GABRP: variants seen among roughly 807,000 people sequenced by gnomAD.
GABRP encodes the protein gamma-aminobutyric acid type A receptor subunit pi.
Under a neutral mutation model 47.8 loss-of-function variants are expected in GABRP, and 52 were observed. That is an observed-to-expected ratio of 1.09 (90% CI 0.87 to 1.37). The LOEUF is 1.37. Ranked by LOEUF, GABRP falls within the 40% of genes most tolerant of loss-of-function variation. The probability of loss-of-function intolerance (pLI) is 0.00; values close to 1 mark genes in which losing one functional copy is unlikely to be tolerated. For synonymous variants in GABRP, 221 were observed against 205.8 expected (o/e 1.07, Z -0.63); for missense variants, 525 against 542.8 (o/e 0.97, Z 0.33).
rs1024636961 is a variant in GABRP at position 170,813,070 on chromosome 5, GA to G, written c.*813del. The G allele has an allele frequency of 3.9e-5, 6 of 152,282 alleles. No individual in the cohort carries two copies. The highest frequency in any genetic ancestry group is 1.4e-4 in the African/African-American group (6 of 41,564). 9.4% of individuals were successfully genotyped at this position (152,282 alleles called of 1,614,324 possible). ...TTCCCATGCATGGATGGAAATGGAA[GA>G]TTTTTTTTTAACTTGTTCTAGAAGT... On this transcript the variant is annotated 3_prime_UTR_variant, in exon 10 of 10. Transcript: ENST00000265294.
At position 170,802,377 on chromosome 5, in the gene GABRP, C is replaced by T. The variant is rs1765619249; in HGVS notation, c.542-3339C>T. 2.0e-5 allele frequency among the ~76,000 whole-genome samples: 3 copies of T among 152,150 alleles called. No individual in the cohort carries two copies. In the South Asian group the frequency reaches 6.2e-4, roughly 32 times the overall value. Reference sequence around the variant, plus strand: ...AGTGGGCACTCCTTACGTAAGGTCACAAGTGGGCAACATCTGAGAAGCACA... The same window carrying T: ...AGTGGGCACTCCTTACGTAAGGTCATAAGTGGGCAACATCTGAGAAGCACA... On this transcript the variant is annotated intron_variant, in intron 6 of 9. Transcript: ENST00000265294.
At chr5:170,783,248 C>CT (rs1765050999), upstream of GABRP, among the ~76,000 whole-genome samples, 1 of 152,154 alleles carries the variant, frequency 6.6e-6, no homozygotes, top group South Asian at 2.1e-4. Context: ...ATGAAAGTCT[C>CT]TTTTAACATA....
intron 1 of GABRP, among the ~76,000 whole-genome samples, chr5:170,787,945 G>T (rs1765168915): frequency 6.6e-6 from 1 of 152,204 alleles, no homozygotes; most frequent in East Asian, 1.9e-4. Context: ...GACAGGGCAA[G>T]GATAGCCTTG....
chr5:170,801,871 G>C (rs1765604683), intron 6 of GABRP, among the ~76,000 whole-genome samples: 1 of 151,760 alleles, frequency 6.6e-6, no homozygotes, highest in Non-Finnish European at 1.5e-5. Flanking sequence ...GGGGGTCAGA[G>C]TTTTCCTAGG....
chr5:170,799,087 A>G (rs1765518328), intron 6 of GABRP, among the ~76,000 whole-genome samples: 1 of 152,132 alleles, frequency 6.6e-6, no homozygotes, highest in Non-Finnish European at 1.5e-5. Context: ...AGCTTCATCC[A>G]TGTCTCTACA....
chr5:170,789,911 T>C (rs904879801), intron 3 of GABRP, among the ~76,000 whole-genome samples: 3 of 152,184 alleles, frequency 2.0e-5, no homozygotes, highest in East Asian at 1.9e-4. Flanking sequence ...TTTTCCATCA[T>C]GTCTCAGAGC....
intron 2 of GABRP, 83 bp from the exon 3 acceptor site, chr5:170,789,046 G>A: frequency 9.6e-7 from 1 of 1,045,090 alleles, no homozygotes. Context: ...ACACACACGT[G>A]GGCAAACACA....
At chr5:170,800,151 C>T (rs1000383511) in intron 6 of GABRP, among the ~76,000 whole-genome samples, 1 of 152,144 alleles carries the variant, frequency 6.6e-6, no homozygotes, top group Non-Finnish European at 1.5e-5. Context: ...GAAATATAGA[C>T]CAATGGAACC....
rs553193983 is a variant in GABRP at position 170,812,375 on chromosome 5, A to T, written c.*117A>T. The T allele has an allele frequency of 3.9e-6, 3 of 772,696 alleles. No homozygotes were observed. Among genetic ancestry groups the T allele is most frequent in the African/African-American group, 1.7e-5 (1 of 57,676 alleles). 47.9% of individuals were successfully genotyped at this position (772,696 alleles called of 1,614,324 possible). ...AATGGTGCTACAAGTGACTGAAATA[A>T]TATTTGAGTCTTTCTGCTCAAAGAA... On this transcript the variant is annotated 3_prime_UTR_variant, in exon 10 of 10. Transcript: ENST00000265294.
intron 3 of GABRP, among the ~76,000 whole-genome samples, chr5:170,790,759 C>A (rs144532075): frequency 6.6e-6 from 1 of 152,220 alleles, no homozygotes; most frequent in Non-Finnish European, 1.5e-5. Context: ...TCTGTGCCTC[C>A]CAGGAACAGG....
At chr5:170,809,846 C>A (rs981395843) in intron 9 of GABRP, 91 bp downstream of exon 9, 10 of 1,211,426 alleles carry the variant, frequency 8.3e-6, no homozygotes, top group Admixed American at 2.0e-5. Context: ...TATCCCCACC[C>A]CACCCGCAGT....
intron 1 of GABRP, 37 bp from the exon 2 acceptor site, chr5:170,788,537 G>A: frequency 7.0e-7 from 1 of 1,431,650 alleles, no homozygotes; most frequent in Non-Finnish European, 9.8e-7. Flanking sequence ...TGAGCCTGTT[G>A]CACGGCCTTC....
At chr5:170,793,502 T>G (rs1198539816) in intron 3 of GABRP, among the ~76,000 whole-genome samples, 1 of 152,158 alleles carries the variant, frequency 6.6e-6, no homozygotes, top group Non-Finnish European at 1.5e-5. Context: ...CTAAATTGTT[T>G]AGGGTTCCAG....
At chr5:170,787,684 G>A (rs1323463047) in intron 1 of GABRP, among the ~76,000 whole-genome samples, 2 of 152,168 alleles carry the variant, frequency 1.3e-5, no homozygotes, top group Admixed American at 1.3e-4. Flanking sequence ...TCCTTCCCAT[G>A]CACCTGTTTC....
chr5:170,809,892 A>G, intron 9 of GABRP, 137 bp downstream of exon 9: 1 of 817,912 alleles, frequency 1.2e-6, no homozygotes, highest in South Asian at 1.5e-5. Flanking sequence ...ATCCTTGTTC[A>G]GGTGGGAGCA....
At chr5:170,809,049 G>A (rs998615597) in intron 8 of GABRP, among the ~76,000 whole-genome samples, 1 of 152,054 alleles carries the variant, frequency 6.6e-6, no homozygotes, top group Non-Finnish European at 1.5e-5. Context: ...TGACTCTCCT[G>A]CCTTATCATC....
intron 3 of GABRP, among the ~76,000 whole-genome samples, chr5:170,793,664 C>T (rs1403310965): frequency 6.6e-6 from 1 of 152,214 alleles, no homozygotes; most frequent in African/African-American, 2.4e-5. Context: ...CCTTTCTAAA[C>T]AATTAGTTCC....
intron 3 of GABRP, among the ~76,000 whole-genome samples, chr5:170,793,559 C>CA (rs752209568): frequency 7.4e-4 from 112 of 152,298 alleles, no homozygotes; most frequent in Non-Finnish European, 1.2e-4. Context: ...AGCAAAAGCT[C>CA]AGCCATGAGT....
intron 9 of GABRP, chr5:170,810,024 C>T: frequency 1.4e-6 from 1 of 698,842 alleles, no homozygotes; most frequent in Non-Finnish European, 2.6e-6. Context: ...ATCACAACCA[C>T]AGGAGCAAGC....
Sources: gnomAD v4.1 joint callset for allele counts (sites outside exome capture counted in the v4.1 genomes callset) on GRCh38, gnomAD v4.1.1 for gene constraint, MANE v1.5 for transcripts, NCBI Gene and HGNC (gene_info 2026-07-23, HGNC 2026-07-21) for gene names.